Variants in TNFSF4 observed in about 807,000 individuals in gnomAD.
TNFSF4 encodes tumor necrosis factor ligand superfamily member 4.
TNFSF4 carries 4 observed loss-of-function variants against 7.3 expected under a neutral mutation model. The observed-to-expected ratio is 0.55, with a 90% CI of 0.27 to 1.25. The LOEUF is 1.25. Among genes scored for constraint, TNFSF4 ranks in the 50% most tolerant of loss-of-function variants. The probability of loss-of-function intolerance (pLI) is 0.12; values close to 1 mark genes in which losing one functional copy is unlikely to be tolerated. For synonymous variants in TNFSF4, 76 were observed against 83.7 expected (o/e 0.91, Z 0.50); for missense variants, 181 against 208.8 (o/e 0.87, Z 0.82).
chr1:173,287,204 G>T, the TNFSF4 span, among the ~76,000 whole-genome samples: 44,891 of 151,794 alleles, frequency 0.3, 7,166 homozygotes, highest in Admixed American at 0.39. Context: ...GCATGGTGGT[G>T]TGTACTTGTA....
chr1:173,249,899 G>C, the TNFSF4 span, among the ~76,000 whole-genome samples: 1 of 152,124 alleles, frequency 6.6e-6, no homozygotes, highest in Admixed American at 6.5e-5. Flanking sequence ...GGTGATACTG[G>C]CAGTATCGAT....
chr1:173,269,635 A>G, the TNFSF4 span, among the ~76,000 whole-genome samples: 1 of 152,164 alleles, frequency 6.6e-6, no homozygotes, highest in Non-Finnish European at 1.5e-5. Flanking sequence ...CAGCATAGAC[A>G]CACTGGACAA....
the TNFSF4 span, among the ~76,000 whole-genome samples, chr1:173,441,549 G>A: frequency 4.1e-3 from 625 of 152,256 alleles, 7 homozygotes; most frequent in African/African-American, 0.014. Flanking sequence ...ACTTGAACCC[G>A]GGAGGTGGAG....
the TNFSF4 span, among the ~76,000 whole-genome samples, chr1:173,336,649 T>C: frequency 1.3e-5 from 2 of 152,188 alleles, no homozygotes; most frequent in Non-Finnish European, 2.9e-5. Context: ...TTCCACAGGA[T>C]ATCACATTCG....
At chr1:173,296,569 G>T in the TNFSF4 span, among the ~76,000 whole-genome samples, 1 of 151,866 alleles carries the variant, frequency 6.6e-6, no homozygotes, top group Non-Finnish European at 1.5e-5. Context: ...TTTTTAACTG[G>T]CAGGAGAGAA....
At chr1:173,337,665 G>C in the TNFSF4 span, among the ~76,000 whole-genome samples, 8 of 152,202 alleles carry the variant, frequency 5.3e-5, no homozygotes, top group Admixed American at 3.3e-4. Flanking sequence ...AATCCTCCCA[G>C]TGGACAGAAC....
At chr1:173,339,764 A>G in the TNFSF4 span, among the ~76,000 whole-genome samples, 3 of 152,192 alleles carry the variant, frequency 2.0e-5, no homozygotes, top group Non-Finnish European at 4.4e-5. Flanking sequence ...TTTGTTGTAC[A>G]TAGGATAGTT....
chr1:173,366,041 G>A, the TNFSF4 span, among the ~76,000 whole-genome samples: 1 of 152,154 alleles, frequency 6.6e-6, no homozygotes, highest in Admixed American at 6.5e-5. Context: ...ATGTAAATTA[G>A]TAAAACCATT....
chr1:173,313,036 T>C, the TNFSF4 span, among the ~76,000 whole-genome samples: 4 of 152,192 alleles, frequency 2.6e-5, no homozygotes, highest in South Asian at 6.2e-4. Flanking sequence ...CACAATTCTT[T>C]CTCTCAATCT....
chr1:173,380,809 T>C, the TNFSF4 span, among the ~76,000 whole-genome samples: 16 of 152,144 alleles, frequency 1.1e-4, no homozygotes, highest in African/African-American at 3.6e-4. Flanking sequence ...TCTAGGAATA[T>C]GGGGAAAAGA....
At chr1:173,264,321 T>C in the TNFSF4 span, among the ~76,000 whole-genome samples, 17 of 135,634 alleles carry the variant, frequency 1.3e-4, no homozygotes, top group Admixed American at 3.8e-4. Context: ...CTTCTTCTTT[T>C]TTTTTTTTTT....
chr1:173,289,908 T>C, the TNFSF4 span, among the ~76,000 whole-genome samples: 1 of 151,068 alleles, frequency 6.6e-6, no homozygotes, highest in Admixed American at 6.6e-5. Context: ...CCAACAGAAG[T>C]GTAACTGGAG....
chr1:173,174,375 C>T, the TNFSF4 span: 1 of 152,264 alleles, frequency 6.6e-6, no homozygotes, highest in Non-Finnish European at 1.5e-5. Flanking sequence ...GTAACTTCCA[C>T]ATTTTCATGT....
chr1:173,181,739 G>T (rs1200131104), downstream of TNFSF4, among the ~76,000 whole-genome samples: 1 of 152,184 alleles, frequency 6.6e-6, no homozygotes, highest in Admixed American at 6.5e-5. Context: ...AGCTTTAGGG[G>T]ATGGAGGGAA....
At chr1:173,354,361 C>T in the TNFSF4 span, among the ~76,000 whole-genome samples, 1 of 152,056 alleles carries the variant, frequency 6.6e-6, no homozygotes, top group African/African-American at 2.4e-5. Flanking sequence ...AGCCTACCAA[C>T]CCAAAAAAGC....
the TNFSF4 span, among the ~76,000 whole-genome samples, chr1:173,437,100 A>G: frequency 4.6e-5 from 7 of 152,312 alleles, no homozygotes; most frequent in Admixed American, 1.3e-4. Flanking sequence ...ATTGTCACAC[A>G]TCGTAACCAG....
the TNFSF4 span, among the ~76,000 whole-genome samples, chr1:173,249,178 G>A: frequency 6.6e-6 from 1 of 152,178 alleles, no homozygotes; most frequent in Non-Finnish European, 1.5e-5. Flanking sequence ...ATTCATGACA[G>A]GACCATTCTT....
chr1:173,372,505 C>T, the TNFSF4 span, among the ~76,000 whole-genome samples: 2 of 152,032 alleles, frequency 1.3e-5, no homozygotes, highest in East Asian at 1.9e-4. Context: ...CGTGGGACAA[C>T]CCCACAACCA....
chr1:173,254,217 G>C, the TNFSF4 span, among the ~76,000 whole-genome samples: 1 of 152,112 alleles, frequency 6.6e-6, no homozygotes, highest in Admixed American at 6.6e-5. Flanking sequence ...AACAAATTTA[G>C]TTATAAATCT....
Sources: gnomAD v4.1 joint callset for allele counts (sites outside exome capture counted in the v4.1 genomes callset) on GRCh38, gnomAD v4.1.1 for gene constraint, MANE v1.5 for transcripts, NCBI Gene and HGNC (gene_info 2026-07-23, HGNC 2026-07-21) for gene names.